The following CREB1 variants were observed in gnomAD, a reference collection of about 807,000 sequenced individuals.
The protein encoded by CREB1 is cyclic AMP-responsive element-binding protein 1.
Under a neutral mutation model 42.0 loss-of-function variants are expected in CREB1, and 2 were observed. The observed-to-expected ratio is 0.05, with a 90% CI of 0.02 to 0.15. The LOEUF (loss-of-function observed/expected upper bound fraction) is 0.15, where lower values mean the gene tolerates loss of function less well. CREB1 is among the 10% of genes least tolerant of loss of function. The probability of loss-of-function intolerance (pLI) is 1.00; values close to 1 mark genes in which losing one functional copy is unlikely to be tolerated. For missense variants in CREB1, 199 were observed against 388.9 expected (o/e 0.51, Z 4.11); for synonymous variants, 123 against 139.9 (o/e 0.88, Z 0.85).
At chr2:207,533,334 G>C (rs1295625042) in intron 1 of CREB1, among the ~76,000 whole-genome samples, 1 of 151,788 alleles carries the variant, frequency 6.6e-6, no homozygotes, top group Non-Finnish European at 1.5e-5. Flanking sequence ...AGAAATTTTG[G>C]GTTCTTCATA....
chr2:207,551,394 G>A (rs1421929409), intron 1 of CREB1, among the ~76,000 whole-genome samples: 1 of 152,018 alleles, frequency 6.6e-6, no homozygotes, highest in African/African-American at 2.4e-5. Context: ...TTAAGCAAAG[G>A]GACTGTTAAT....
chr2:207,581,631 T>TA (rs2082968669), intron 7 of CREB1: 1 of 405,946 alleles, frequency 2.5e-6, no homozygotes, highest in Non-Finnish European at 4.3e-6. Flanking sequence ...ATTTTAAACT[T>TA]ACAAAGGAGT....
chr2:207,567,790 G>A (rs1310558236), intron 4 of CREB1: 1 of 323,218 alleles, frequency 3.1e-6, no homozygotes, highest in East Asian at 5.1e-5. Context: ...TTCTGTTTCT[G>A]TAGACTGTGC....
At chr2:207,581,816 TCG>T in intron 7 of CREB1, 1 of 700,810 alleles carries the variant, frequency 1.4e-6, no homozygotes, top group South Asian at 1.5e-5. Flanking sequence ...GGGTACCATA[TCG>T]CATTTAATTA....
chr2:207,570,022 CAG>C (rs2082294609), intron 4 of CREB1, among the ~76,000 whole-genome samples, 155 bp from the exon 5 acceptor site: 1 of 125,534 alleles, frequency 8.0e-6, no homozygotes, highest in African/African-American at 3.1e-5. Context: ...AGCCTGGCGA[CAG>C]AGCAAGACTC....
At chr2:207,540,152 A>G (rs2081036574) in intron 1 of CREB1, among the ~76,000 whole-genome samples, 1 of 152,142 alleles carries the variant, frequency 6.6e-6, no homozygotes, top group Admixed American at 6.5e-5. Context: ...CAAACCTATT[A>G]AGAACTTCAG....
At chr2:207,587,212 T>G (rs2084018058) in intron 7 of CREB1, among the ~76,000 whole-genome samples, 1 of 151,688 alleles carries the variant, frequency 6.6e-6, no homozygotes, top group Non-Finnish European at 1.5e-5. Flanking sequence ...GCTAACACGG[T>G]GAAACTCCTT....
intron 2 of CREB1, chr2:207,559,366 T>C (rs1260600824): frequency 1.6e-5 from 14 of 859,486 alleles, no homozygotes; most frequent in African/African-American, 1.8e-5. Context: ...TGTGTCCATT[T>C]TTCTTTTAGC....
In CREB1 at chr2:207,598,529, A is replaced by G; in HGVS notation, c.*1471A>G. 5.6e-6 allele frequency: 1 copy of G among 178,704 alleles called. No individual in the cohort carries two copies. The highest frequency in any genetic ancestry group is 2.0e-4 in the South Asian group (1 of 5,014). The allele number at this position is 178,704 out of a possible 1,614,324, so 11.1% of individuals were successfully genotyped here. A position where few individuals can be genotyped will look rare whatever the true frequency, so the allele number is the denominator to read the frequency against. On this transcript the variant is annotated 3_prime_UTR_variant, in exon 8 of 8. Transcript: ENST00000353267. ...ACTAAGGTGGATTTTAAAAATTGGA[A>G]ACTGACATAATGTTAGGTTATAATT... is the stretch of plus-strand genomic sequence containing the variant.
intron 7 of CREB1, among the ~76,000 whole-genome samples, chr2:207,595,333 G>A (rs2085932406): frequency 6.6e-6 from 1 of 151,824 alleles, no homozygotes; most frequent in Non-Finnish European, 1.5e-5. Context: ...ATATATCTCT[G>A]GAGAAATCTC....
intron 1 of CREB1, among the ~76,000 whole-genome samples, chr2:207,532,927 A>G (rs185879693): frequency 6.6e-6 from 1 of 151,774 alleles, no homozygotes; most frequent in African/African-American, 2.4e-5. Flanking sequence ...GGCCTGTTTT[A>G]TTATTTATAC....
chr2:207,558,514 A>G (rs1348836240), intron 2 of CREB1, among the ~76,000 whole-genome samples: 2 of 151,884 alleles, frequency 1.3e-5, no homozygotes, highest in South Asian at 4.2e-4. Context: ...TCCCATCTCT[A>G]CTACTACTAA....
chr2:207,603,196 T>C lies in CREB1; in HGVS notation c.*6138T>C, dbSNP rs2087402178. 4.6e-6 allele frequency: 1 copy of C among 215,458 alleles called. No homozygotes were observed. Among genetic ancestry groups the C allele is most frequent in the Admixed American group, 5.8e-5 (1 of 17,192 alleles). 13.3% of individuals were successfully genotyped at this position (215,458 alleles called of 1,614,324 possible). A position where few individuals can be genotyped will look rare whatever the true frequency, so the allele number is the denominator to read the frequency against. ...TATCTAAATCTTTTTGTGCTTTATG[T>C]GTAAAGAAAAAAATGTACTGAGTTA... On this transcript the variant is annotated 3_prime_UTR_variant, in exon 8 of 8. Coordinates refer to ENST00000353267, the MANE Select transcript of CREB1 (RefSeq NM_004379.5).
chr2:207,549,768 G>A (rs746586511), intron 1 of CREB1, among the ~76,000 whole-genome samples: 3 of 152,108 alleles, frequency 2.0e-5, no homozygotes, highest in Admixed American at 6.6e-5. Flanking sequence ...AGATCACAAG[G>A]TCAGGAGATC....
chr2:207,604,698 A>G lies in CREB1; in HGVS notation c.*7640A>G, dbSNP rs1017731293. On this transcript the variant is annotated 3_prime_UTR_variant, in exon 8 of 8. Coordinates refer to ENST00000353267, the MANE Select transcript of CREB1 (RefSeq NM_004379.5). ...CACCACTTCTATCTAGCTCCAAAAC[A>G]TTCTCATCACTCCAAAAGTAAAGTC... 2.6e-5 allele frequency among the ~76,000 whole-genome samples: 4 copies of G among 152,312 alleles called. No homozygotes were observed. The highest frequency in any genetic ancestry group is 2.1e-4 in the South Asian group (1 of 4,824).
Position 207,599,476 on chromosome 2 carries a change from T to G in CREB1, c.*2418T>G, listed in dbSNP as rs1025805532. The G allele has an allele frequency of 1.0e-5, 2 of 196,494 alleles. No individual in the cohort carries two copies. Among genetic ancestry groups the G allele is most frequent in the Non-Finnish European group, 2.1e-5 (2 of 94,878 alleles). 12.2% of individuals were successfully genotyped at this position (196,494 alleles called of 1,614,324 possible). ...GGAAGTTGGTGGTCCTCTTAGTCCC[T>G]GATAAATCAAGGCAATCACATTCAT... On this transcript the variant is annotated 3_prime_UTR_variant, in exon 8 of 8. Transcript: ENST00000353267.
At chr2:207,568,627 T>C (rs915866211) in intron 4 of CREB1, among the ~76,000 whole-genome samples, 3 of 152,176 alleles carry the variant, frequency 2.0e-5, no homozygotes, top group Admixed American at 2.0e-4. Flanking sequence ...GCACATGATA[T>C]ATGAAGATGT....
chr2:207,558,909 C>T (rs1341918802), intron 2 of CREB1, among the ~76,000 whole-genome samples: 1 of 152,170 alleles, frequency 6.6e-6, no homozygotes, highest in African/African-American at 2.4e-5. Context: ...TCCCAAAGTG[C>T]TGGGATTACA....
At chr2:207,538,542 T>C (rs1330354079) in intron 1 of CREB1, among the ~76,000 whole-genome samples, 1 of 152,202 alleles carries the variant, frequency 6.6e-6, no homozygotes, top group Non-Finnish European at 1.5e-5. Flanking sequence ...GTTTTCTTCC[T>C]CTTGGATGAT....
Sources: allele counts gnomAD v4.1 joint callset (sites outside exome capture counted in the v4.1 genomes callset), GRCh38; gene constraint gnomAD v4.1.1; transcripts MANE v1.5; gene names NCBI Gene and HGNC (gene_info 2026-07-23, HGNC 2026-07-21).